Variants in LRP2 observed in about 807,000 individuals in gnomAD.
The protein encoded by LRP2 is LDL receptor related protein 2.
LRP2 carries 172 observed loss-of-function variants against 531.0 expected under a neutral mutation model. The observed-to-expected ratio is 0.32, with a 90% confidence interval of 0.29 to 0.37. The LOEUF is 0.37. Ranked by LOEUF, LRP2 falls within the 10% of genes least tolerant of loss-of-function variation. LRP2 has a pLI of 1.00. For synonymous variants in LRP2, 1,992 were observed against 2,027.6 expected (o/e 0.98, Z 0.47); for missense variants, 5,167 against 5,868.3 (o/e 0.88, Z 3.90).
chr2:169,303,452 GGCTGGT>G (rs758780382), intron 4 of LRP2, among the ~76,000 whole-genome samples: 27 of 152,216 alleles, frequency 1.8e-4, no homozygotes, highest in Non-Finnish European at 3.7e-4. Context: ...GTAAGGTGGT[GGCTGGT>G]GCTCGGTGAC....
intron 31 of LRP2, among the ~76,000 whole-genome samples, chr2:169,229,981 A>G (rs919758991): frequency 6.6e-6 from 1 of 152,194 alleles, no homozygotes; most frequent in African/African-American, 2.4e-5. Flanking sequence ...TTCATTTAAC[A>G]TATATTGGCA....
intron 52 of LRP2, among the ~76,000 whole-genome samples, chr2:169,179,785 T>C (rs1687358289): frequency 7.4e-6 from 1 of 135,042 alleles, no homozygotes; most frequent in Non-Finnish European, 1.7e-5. Flanking sequence ...CATCCCAAGA[T>C]GTACAAGGAA....
chr2:169,215,623 T>A (rs1688755168), intron 35 of LRP2, among the ~76,000 whole-genome samples: 3 of 150,864 alleles, frequency 2.0e-5, no homozygotes, highest in Admixed American at 2.0e-4. Flanking sequence ...CACACATAGG[T>A]AGATACATAG....
At chr2:169,338,861 C>T (rs993663688) in intron 1 of LRP2, among the ~76,000 whole-genome samples, 2 of 152,222 alleles carry the variant, frequency 1.3e-5, no homozygotes, top group African/African-American at 4.8e-5. Context: ...ACTAGGGATT[C>T]AAACCACTGC....
intron 19 of LRP2, 112 bp from the exon 20 acceptor site, chr2:169,247,627 C>T: frequency 2.7e-6 from 3 of 1,107,690 alleles, no homozygotes; most frequent in Non-Finnish European, 4.1e-6. Flanking sequence ...GATCATCTCC[C>T]CCATAAATAT....
chr2:169,140,422 G>T, intron 72 of LRP2, 33 bp downstream of exon 72: 1 of 1,549,884 alleles, frequency 6.5e-7, no homozygotes, highest in Non-Finnish European at 8.9e-7. Context: ...AAGAGGCAAG[G>T]CCTATAGCTG....
At chr2:169,154,664 A>C (rs1686268999) in intron 65 of LRP2, 61 bp from the exon 66 acceptor site, 1 of 1,473,656 alleles carries the variant, frequency 6.8e-7, no homozygotes, top group African/African-American at 1.4e-5. Context: ...ATAAAGTAGG[A>C]TATAAAATGC....
rs545476826 is a variant in LRP2 at position 169,206,979 on chromosome 2, G to C, written c.6741C>G (p.Tyr2247Ter). 6.2e-7 allele frequency: 1 copy of C among 1,613,986 alleles called. No individual in the cohort carries two copies. The highest frequency in any genetic ancestry group is 8.5e-7 in the Non-Finnish European group (1 of 1,180,028). The change falls in exon 39 of 79, where the codon TAC becomes TAG. Residue 2247 changes from tyrosine (Y) to a stop codon, truncating the protein, a stop_gained. Coordinates refer to ENST00000649046, the MANE Select transcript of LRP2 (RefSeq NM_004525.3). LOFTEE classifies it high-confidence loss of function. ...CTAAAGAATCATCAACCCAATAAAC[G>C]TAGCCATCACTTCGGTCCACTGCCA... ...RGLAVDRSDGYVYWVDDSLDI... is the reference protein window; with the variant it reads ...RGLAVDRSDG
intron 1 of LRP2, among the ~76,000 whole-genome samples, chr2:169,361,330 G>GTCTCTCTCTCTCTCTCTCTCTCTC (rs1405262223): frequency 3.1e-5 from 1 of 32,180 alleles, no homozygotes; most frequent in East Asian, 6.9e-4. Flanking sequence ...GTCTCTCTCT[G>GTCTCTCTCTCTCTCTCTCTCTCTC]TCTCTCTCTG....
chr2:169,257,319 A>T, intron 17 of LRP2, 70 bp from the exon 18 acceptor site: 1 of 1,507,820 alleles, frequency 6.6e-7, no homozygotes, highest in East Asian at 2.3e-5. Context: ...GAGATTTAGA[A>T]CAAACAGAGA....
At chr2:169,281,021 A>G (rs555727302) in intron 10 of LRP2, among the ~76,000 whole-genome samples, 66 of 152,374 alleles carry the variant, frequency 4.3e-4, no homozygotes, top group Non-Finnish European at 8.7e-4. Flanking sequence ...TATTAATTGC[A>G]GTCTTATTGG....
chr2:169,191,676 T>TC (rs748090381), intron 48 of LRP2, among the ~76,000 whole-genome samples, 156 bp downstream of exon 48: 1 of 152,126 alleles, frequency 6.6e-6, no homozygotes, highest in Non-Finnish European at 1.5e-5. Flanking sequence ...AAGTTTTTTT[T>TC]CCCTTTGATT....
At chr2:169,129,848 T>C (rs1231493913) in intron 77 of LRP2, among the ~76,000 whole-genome samples, 1 of 152,192 alleles carries the variant, frequency 6.6e-6, no homozygotes, top group East Asian at 1.9e-4. Context: ...TTGCCTGTCA[T>C]GCTGACTGCC....
At chr2:169,266,385 G>A (rs1419276570) in intron 16 of LRP2, among the ~76,000 whole-genome samples, 2 of 151,956 alleles carry the variant, frequency 1.3e-5, no homozygotes, top group African/African-American at 4.8e-5. Flanking sequence ...GGGCAGGGGA[G>A]GGTGGGCAAT....
chr2:169,209,491 T>C lies in LRP2; in HGVS notation c.6431A>G (p.Glu2144Gly), dbSNP rs1396397427. The change falls in exon 38 of 79, where the codon GAA becomes GGA. Residue 2144 changes from glutamate to glycine, a missense_variant. Glu to Gly is a moderately conservative substitution (Grantham distance 98). Transcript: ENST00000649046. ...LMNIVTHGIG[E>G]NGVRGIAVDW... ...CACTGCAATACCCCGGACTCCATTT[T>C]CTCCTATTCCATGTGTCACAATGTT... 1 of 1,614,144 alleles carries C rather than the reference T, an allele frequency of 6.2e-7. No homozygotes were observed. The highest frequency in any genetic ancestry group is 8.5e-7 in the Non-Finnish European group (1 of 1,180,000).
At chr2:169,324,049 A>C (rs1574256924) in intron 1 of LRP2, among the ~76,000 whole-genome samples, 1 of 152,308 alleles carries the variant, frequency 6.6e-6, no homozygotes, top group East Asian at 1.9e-4. Context: ...AAAGATGAAA[A>C]GAAGTACTCA....
chr2:169,337,666 TCTA>T (rs1574270548), intron 1 of LRP2, among the ~76,000 whole-genome samples: 1 of 152,250 alleles, frequency 6.6e-6, no homozygotes, highest in African/African-American at 2.4e-5. Flanking sequence ...AAGCCCTTAT[TCTA>T]CTATTTGTAA....
chr2:169,270,832 G>C (rs1683392573), intron 16 of LRP2, 72 bp downstream of exon 16: 1 of 985,190 alleles, frequency 1.0e-6, no homozygotes, highest in East Asian at 2.6e-5. Context: ...TAATTATCAA[G>C]TTGTAAGTAT....
chr2:169,294,989 G>C (rs560205289), intron 4 of LRP2, among the ~76,000 whole-genome samples: 1 of 152,260 alleles, frequency 6.6e-6, no homozygotes, highest in Admixed American at 6.5e-5. Context: ...AGAGAGATTT[G>C]GGGGCCCAGA....
Sources: gnomAD v4.1 joint callset for allele counts (sites outside exome capture counted in the v4.1 genomes callset) on GRCh38, gnomAD v4.1.1 for gene constraint, MANE v1.5 for transcripts, NCBI Gene and HGNC (gene_info 2026-07-23, HGNC 2026-07-21) for gene names.